Variants in TANC2 observed in about 807,000 individuals in gnomAD.
TANC2 encodes the protein tetratricopeptide repeat, ankyrin repeat and coiled-coil containing 2.
Under a neutral mutation model 210.5 loss-of-function variants are expected in TANC2, and 26 were observed. The observed-to-expected ratio is 0.12, with a 90% CI of 0.09 to 0.17. The LOEUF is 0.17. Ranked by LOEUF, TANC2 falls within the 10% of genes least tolerant of loss-of-function variation. The probability of loss-of-function intolerance (pLI) is 1.00; values close to 1 mark genes in which losing one functional copy is unlikely to be tolerated. For missense variants in TANC2, 2,129 were observed against 2,608.9 expected, an observed-to-expected ratio of 0.82 and a Z score of 4.01; for synonymous variants, 931 against 967.1, an observed-to-expected ratio of 0.96 and a Z score of 0.69.
chr17:63,187,679 C>A (rs2041042320), intron 5 of TANC2, among the ~76,000 whole-genome samples: 1 of 151,756 alleles, frequency 6.6e-6, no homozygotes, highest in Admixed American at 6.6e-5. Context: ...TTCAATGAAT[C>A]CTAAGCACAA....
At chr17:63,009,149 T>TTA (rs2143820972) in intron 1 of TANC2, among the ~76,000 whole-genome samples, 1 of 152,240 alleles carries the variant, frequency 6.6e-6, no homozygotes, top group Non-Finnish European at 1.5e-5. Flanking sequence ...ATTTTCATTT[T>TTA]TAATTATGGG....
chr17:63,161,206 C>G (rs1022950792), intron 5 of TANC2, among the ~76,000 whole-genome samples: 2 of 151,824 alleles, frequency 1.3e-5, no homozygotes, highest in African/African-American at 4.8e-5. Flanking sequence ...ACTAAAAATA[C>G]AAAAAAATAG....
chr17:63,410,241 GATTTA>G (rs1213731440), intron 21 of TANC2, among the ~76,000 whole-genome samples: 5 of 151,832 alleles, frequency 3.3e-5, no homozygotes, highest in African/African-American at 1.2e-4. Context: ...CTATAGAGTA[GATTTA>G]GTGTACTAGT....
chr17:62,976,124 A>T (rs994892716), intron 1 of TANC2, among the ~76,000 whole-genome samples: 3 of 152,306 alleles, frequency 2.0e-5, no homozygotes, highest in African/African-American at 7.2e-5. Flanking sequence ...AAAAACTCAG[A>T]TACTGCTGGG....
intron 9 of TANC2, among the ~76,000 whole-genome samples, chr17:63,302,439 G>T (rs115437753): frequency 0.012 from 1,857 of 152,008 alleles, 34 homozygotes; most frequent in African/African-American, 0.043. Context: ...CTAAGAATTT[G>T]TTTTATGAAT....
chr17:63,381,722 A>T (rs941121190), intron 15 of TANC2, among the ~76,000 whole-genome samples: 1 of 152,242 alleles, frequency 6.6e-6, no homozygotes, highest in Non-Finnish European at 1.5e-5. Flanking sequence ...CCTGAGCCAC[A>T]GCTAAAGATC....
intron 11 of TANC2, among the ~76,000 whole-genome samples, chr17:63,323,806 G>A (rs1426328888): frequency 2.0e-5 from 3 of 152,162 alleles, no homozygotes; most frequent in Admixed American, 6.5e-5. Context: ...TGAGGATTCA[G>A]AGTCAGTATC....
In TANC2 at chr17:63,420,186, G is replaced by A; in HGVS notation, c.4456G>A (p.Glu1486Lys). Residue 1486 changes from glutamate to lysine, a missense_variant, in exon 28 of 28, where the codon GAA (glutamate) becomes AAA (lysine). Coordinates refer to ENST00000689528, the Ensembl canonical transcript of TANC2. The surrounding 1 kb of genome is among the most constrained non-coding windows in gnomAD (Gnocchi z 4.2). ...AGAAGCAGAACCTGAGCCACAGCATGAAGACATATACTCTGTACAGGATAT... is the reference window on the plus strand; with the variant it reads ...AGAAGCAGAACCTGAGCCACAGCATAAAGACATATACTCTGTACAGGATAT... 1 of 1,589,452 alleles carries A rather than the reference G, an allele frequency of 6.3e-7. No individual in the cohort carries two copies. Among genetic ancestry groups the A allele is most frequent in the Non-Finnish European group, 8.6e-7 (1 of 1,167,218 alleles).
chr17:63,006,702 T>A (rs571654751), intron 1 of TANC2, among the ~76,000 whole-genome samples: 1 of 152,290 alleles, frequency 6.6e-6, no homozygotes, highest in South Asian at 2.1e-4. Context: ...TGTGTTATAG[T>A]TTGTTTTTAT....
intron 13 of TANC2, 99 bp downstream of exon 13, chr17:63,351,515 C>A: frequency 1.1e-6 from 1 of 877,140 alleles, no homozygotes; most frequent in Non-Finnish European, 1.6e-6. Flanking sequence ...TCTACTATGT[C>A]CTAGAGCATT....
At position 63,357,613 on chromosome 17, in the gene TANC2, C is replaced by T. The variant is rs896101800; in HGVS notation, c.2582+2223C>T. On this transcript the variant is annotated intron_variant, in intron 14 of 27. Transcript: ENST00000689528. ...AGATTTCATTTCAGTTGGAACTCAG[C>T]CCCCTCCCCAGCAATGGCTGGCACC... 2.0e-5 allele frequency among the ~76,000 whole-genome samples: 3 copies of T among 152,222 alleles called. No homozygotes were observed. In the South Asian group the frequency reaches 6.2e-4, roughly 32 times the overall value.
chr17:63,216,240 G>A (rs770055815), intron 7 of TANC2, among the ~76,000 whole-genome samples: 2 of 151,866 alleles, frequency 1.3e-5, no homozygotes, highest in Non-Finnish European at 2.9e-5. Context: ...GTAGAGACGG[G>A]GTTTCACCAT....
At chr17:63,192,703 AG>A in intron 5 of TANC2, among the ~76,000 whole-genome samples, 1 of 152,222 alleles carries the variant, frequency 6.6e-6, no homozygotes, top group Non-Finnish European at 1.5e-5. Context: ...CTGTAAAATG[AG>A]GGTAATAATT....
Position 63,351,952 on chromosome 17 carries a change from T to A in TANC2, c.1974+536T>A, listed in dbSNP as rs867598640. Among the ~76,000 whole-genome samples, 35 of 152,218 alleles carry A rather than the reference T, an allele frequency of 2.3e-4. No individual in the cohort carries two copies. The Middle Eastern group carries it at 0.01, about 44-fold the overall frequency. ...AACTGAGAGAGAAGGTTTTTGTTGTTGTTGTTGTTTTTTCTAATTACTTTC... is the reference window on the plus strand; with the variant it reads ...AACTGAGAGAGAAGGTTTTTGTTGTAGTTGTTGTTTTTTCTAATTACTTTC... On this transcript the variant is annotated intron_variant, in intron 13 of 27. Coordinates refer to ENST00000689528, the Ensembl canonical transcript of TANC2.
At chr17:63,156,634 T>C (rs2145441640) in intron 5 of TANC2, among the ~76,000 whole-genome samples, 1 of 152,264 alleles carries the variant, frequency 6.6e-6, no homozygotes, top group East Asian at 1.9e-4. Context: ...TTACTGGTTA[T>C]GGAAATAAGC....
chr17:63,134,473 T>C (rs973391192), intron 4 of TANC2, among the ~76,000 whole-genome samples: 3 of 152,236 alleles, frequency 2.0e-5, no homozygotes, highest in African/African-American at 7.2e-5. Flanking sequence ...ACAGAGCATC[T>C]GTTGTGTACA....
chr17:63,230,167 T>G (rs1280969329), intron 7 of TANC2, among the ~76,000 whole-genome samples: 1 of 152,180 alleles, frequency 6.6e-6, no homozygotes, highest in African/African-American at 2.4e-5. Flanking sequence ...TATTTGATTC[T>G]TCTCTCTTCT....
chr17:63,328,016 C>T (rs1398558513), intron 11 of TANC2, among the ~76,000 whole-genome samples: 2 of 152,196 alleles, frequency 1.3e-5, no homozygotes, highest in Non-Finnish European at 2.9e-5. Context: ...TGAGTGAGAA[C>T]ATGCGGTGTT....
At chr17:63,101,853 A>G (rs781290041) in intron 4 of TANC2, among the ~76,000 whole-genome samples, 3 of 152,192 alleles carry the variant, frequency 2.0e-5, no homozygotes, top group Admixed American at 6.5e-5. Context: ...TTTAAGAAGG[A>G]GCCAGCCATG....
Sources: gnomAD v4.1 joint callset for allele counts (sites outside exome capture counted in the v4.1 genomes callset) on GRCh38, gnomAD v4.1.1 for gene constraint, Gnocchi (gnomAD v3.1) non-coding constraint, MANE v1.5 for transcripts, NCBI Gene and HGNC (gene_info 2026-07-23, HGNC 2026-07-21) for gene names.